Variants in PDIA5 observed in about 807,000 individuals in gnomAD.
PDIA5 encodes the protein protein disulfide isomerase family A member 5, also known as protein disulfide-isomerase A5.
A neutral mutation model predicts 77.6 loss-of-function variants in PDIA5; 58 were observed. The observed-to-expected ratio is 0.75, with a 90% CI of 0.61 to 0.93. The LOEUF (loss-of-function observed/expected upper bound fraction) is 0.93. PDIA5 is among the 40% of genes least tolerant of loss of function. The pLI is 0.00. For missense variants in PDIA5, 630 were observed against 647.7 expected (o/e 0.97, Z 0.30); for synonymous variants, 250 against 252.1 (o/e 0.99, Z 0.08).
chr3:123,131,390 C>A (rs532779076), intron 11 of PDIA5, among the ~76,000 whole-genome samples: 47 of 151,824 alleles, frequency 3.1e-4, no homozygotes, highest in South Asian at 2.1e-3. Context: ...ACTGCACTCC[C>A]TCCTGGGCAG....
intron 12 of PDIA5, among the ~76,000 whole-genome samples, chr3:123,145,836 C>G (rs1242883342): frequency 2.6e-5 from 4 of 152,180 alleles, no homozygotes; most frequent in African/African-American, 9.7e-5. Flanking sequence ...TTCTCTGGGA[C>G]CCTGGCTAAC....
intron 1 of PDIA5, among the ~76,000 whole-genome samples, chr3:123,078,038 G>A (rs1933901505): frequency 6.6e-6 from 1 of 152,096 alleles, no homozygotes; most frequent in East Asian, 1.9e-4. Context: ...TCAAACTCCT[G>A]ACTGCGTGAT....
intron 11 of PDIA5, among the ~76,000 whole-genome samples, chr3:123,140,236 A>C (rs1252165339): frequency 1.3e-5 from 2 of 152,066 alleles, no homozygotes; most frequent in Non-Finnish European, 2.9e-5. Context: ...GCTGCAGTAG[A>C]AGTGACCTGA....
intron 1 of PDIA5, among the ~76,000 whole-genome samples, chr3:123,086,391 C>T (rs766297101): frequency 1.3e-5 from 2 of 152,218 alleles, no homozygotes; most frequent in African/African-American, 2.4e-5. Context: ...TGATGAGGCT[C>T]AGACTCAATC....
chr3:123,130,330 A>G, intron 10 of PDIA5, 150 bp from the exon 11 acceptor site: 1 of 778,964 alleles, frequency 1.3e-6, no homozygotes, highest in Non-Finnish European at 2.0e-6. Flanking sequence ...CGGCACCTCC[A>G]TGAGGGCAGT....
intron 13 of PDIA5, among the ~76,000 whole-genome samples, chr3:123,148,359 G>A (rs1241172153): frequency 6.6e-6 from 1 of 152,064 alleles, no homozygotes; most frequent in African/African-American, 2.4e-5. Context: ...CTTGAGTTCA[G>A]GAGTTCAAGA....
In PDIA5 at chr3:123,067,198, G is replaced by A; in HGVS notation, c.34G>A (p.Ala12Thr). 1.6e-6 allele frequency: 2 copies of A among 1,248,106 alleles called. No homozygotes were observed. The highest frequency in any genetic ancestry group is 1.0e-6 in the Non-Finnish European group (1 of 990,580). The allele number at this position is 1,248,106 out of a possible 1,614,324, so 77.3% of individuals were successfully genotyped here. The change falls in exon 1 of 17, where the codon GCA (alanine) becomes ACA (threonine). Residue 12 changes from alanine (A) to threonine (T), a missense_variant. Transcript: ENST00000316218. ...GGCCGGGCCGGCGTGGCTGCTGCTG[G>A]CAATCTGGGTGAGACTGTGGGGCAG... ...ARAGPAWLLL[A>T]IWVVLPSWLS... is the part of the protein sequence containing the mutation.
Position 123,124,465 on chromosome 3 carries a change from C to A in PDIA5, c.773+122C>A. 3 of 765,582 alleles carry A rather than the reference C, an allele frequency of 3.9e-6. No homozygotes were observed. In the South Asian group the frequency reaches 4.3e-5, roughly 11 times the overall value. The allele number at this position is 765,582 out of a possible 1,614,324, so 47.4% of individuals were successfully genotyped here. A position where few individuals can be genotyped will look rare whatever the true frequency, so the allele number is the denominator to read the frequency against. On this transcript the variant is annotated intron_variant, in intron 10 of 16. Coordinates refer to ENST00000316218, the MANE Select transcript of PDIA5 (RefSeq NM_006810.4). Reference sequence around the variant, plus strand: ...AAGAATGAGGAAGGGAATTGTGGTACTGCCTACACAGCTGTCTCTGGCTTG... The same window carrying A: ...AAGAATGAGGAAGGGAATTGTGGTAATGCCTACACAGCTGTCTCTGGCTTG...
At chr3:123,098,483 G>A (rs1285872273) in intron 3 of PDIA5, among the ~76,000 whole-genome samples, 2 of 152,202 alleles carry the variant, frequency 1.3e-5, no homozygotes, top group Non-Finnish European at 2.9e-5. Context: ...CTGTGTACCT[G>A]CAGCAGCCAC....
chr3:123,091,297 T>A (rs1366742029), intron 2 of PDIA5, among the ~76,000 whole-genome samples: 1 of 152,218 alleles, frequency 6.6e-6, no homozygotes, highest in Non-Finnish European at 1.5e-5. Flanking sequence ...GAAAAGGCGA[T>A]CTGCGGAGGC....
intron 1 of PDIA5, among the ~76,000 whole-genome samples, chr3:123,088,443 G>C (rs1035644564): frequency 1.1e-4 from 17 of 152,182 alleles, no homozygotes; most frequent in African/African-American, 3.9e-4. Context: ...AGCATTAAGG[G>C]ATGATCTTAT....
At chr3:123,126,817 C>T (rs1159602397) in intron 10 of PDIA5, among the ~76,000 whole-genome samples, 1 of 152,214 alleles carries the variant, frequency 6.6e-6, no homozygotes, top group East Asian at 1.9e-4. Context: ...CCCTTCAATG[C>T]GTGACTCTGG....
intron 1 of PDIA5, among the ~76,000 whole-genome samples, chr3:123,077,873 G>A (rs1164082328): frequency 6.0e-5 from 9 of 150,786 alleles, no homozygotes; most frequent in African/African-American, 1.5e-4. Flanking sequence ...GCAGTGGTGC[G>A]ATCTCAGCTC....
At chr3:123,132,626 A>G (rs1334406549) in intron 11 of PDIA5, among the ~76,000 whole-genome samples, 1 of 152,256 alleles carries the variant, frequency 6.6e-6, no homozygotes, top group Non-Finnish European at 1.5e-5. Context: ...AGTGCCCGCC[A>G]TGAGGCCAGC....
At chr3:123,155,968 A>G (rs1448645421) in intron 15 of PDIA5, among the ~76,000 whole-genome samples, 2 of 152,064 alleles carry the variant, frequency 1.3e-5, no homozygotes, top group East Asian at 3.9e-4. Flanking sequence ...CCGAGGCAGG[A>G]AAGGGGAGCA....
At position 123,124,046 on chromosome 3, in the gene PDIA5, T is replaced by C. The variant is rs553592810; in HGVS notation, c.610-20T>C. On this transcript the variant is annotated intron_variant, in intron 8 of 16. Coordinates refer to ENST00000316218, the MANE Select transcript of PDIA5 (RefSeq NM_006810.4). Reference sequence around the variant, plus strand: ...CTGTGGGGCACAGGCTCCACACGGCTCTTCTCCGCTTCCTCCCAGGTGCTG... The same window carrying C: ...CTGTGGGGCACAGGCTCCACACGGCCCTTCTCCGCTTCCTCCCAGGTGCTG... 1.3e-6 allele frequency: 2 copies of C among 1,565,656 alleles called. No homozygotes were observed. The highest frequency in any genetic ancestry group is 1.7e-5 in the Admixed American group (1 of 59,970).
intron 8 of PDIA5, among the ~76,000 whole-genome samples, chr3:123,119,890 G>A (rs1466738256): frequency 7.0e-6 from 1 of 142,756 alleles, no homozygotes; most frequent in African/African-American, 2.7e-5. Context: ...TTTGGGAGGT[G>A]TTCAACCTGA....
chr3:123,067,098 G>A lies in PDIA5; in HGVS notation c.-67G>A. 2 of 1,206,394 alleles carry A rather than the reference G, an allele frequency of 1.7e-6. No individual in the cohort carries two copies. Among genetic ancestry groups the A allele is most frequent in the African/African-American group, 1.6e-5 (1 of 63,964 alleles). The allele number at this position is 1,206,394 out of a possible 1,614,324, so 74.7% of individuals were successfully genotyped here. A position where few individuals can be genotyped will look rare whatever the true frequency, so the allele number is the denominator to read the frequency against. On this transcript the variant is annotated 5_prime_UTR_variant, in exon 1 of 17. Transcript: ENST00000316218. The stretch of plus-strand genomic sequence containing the variant: ...GTGGTGGTTGGCCGCGGTGGAGCTA[G>A]CAGGCGGGCGGGCGGGAGCGGGCGC...
intron 14 of PDIA5, 81 bp downstream of exon 14, chr3:123,150,445 C>T: frequency 7.1e-7 from 1 of 1,409,424 alleles, no homozygotes; most frequent in Non-Finnish European, 9.6e-7. Flanking sequence ...CACACCCACC[C>T]CAGGGACCAA....
Sources: allele counts gnomAD v4.1 joint callset (sites outside exome capture counted in the v4.1 genomes callset), GRCh38; gene constraint gnomAD v4.1.1; transcripts MANE v1.5; gene names NCBI Gene and HGNC (gene_info 2026-07-23, HGNC 2026-07-21).